ARHGEF9: variants seen among roughly 807,000 people sequenced by gnomAD.
ARHGEF9 encodes rho guanine nucleotide exchange factor 9.
Under a neutral mutation model 41.3 loss-of-function variants are expected in ARHGEF9, and 2 were observed. The observed-to-expected ratio is 0.05, with a 90% CI of 0.02 to 0.15. ARHGEF9 has a LOEUF of 0.15. Ranked by LOEUF, ARHGEF9 falls within the 10% of genes least tolerant of loss-of-function variation. The probability of loss-of-function intolerance (pLI) is 1.00; values close to 1 mark genes in which losing one functional copy is unlikely to be tolerated. For missense variants in ARHGEF9, 225 were observed against 424.7 expected (o/e 0.53, Z 4.13); for synonymous variants, 160 against 154.4 (o/e 1.04, Z -0.27).
chrX:63,743,338 C>A (rs184342063), intron 1 of ARHGEF9: 1 of 112,898 alleles, frequency 8.9e-6, no homozygotes, highest in African/African-American at 3.2e-5. Flanking sequence ...TTCTTCCTAG[C>A]TCACCACTGA....
intron 8 of ARHGEF9, among the ~76,000 whole-genome samples, chrX:63,652,290 C>A (rs1239330825): frequency 5.4e-5 from 6 of 111,692 alleles, no homozygotes; most frequent in Non-Finnish European, 1.1e-4. Context: ...TGGATTCAAT[C>A]AACTGTGGAT....
intron 1 of ARHGEF9, among the ~76,000 whole-genome samples, chrX:63,758,974 C>T (rs1457147716): frequency 2.7e-5 from 3 of 111,296 alleles, no homozygotes; most frequent in African/African-American, 9.8e-5. Flanking sequence ...TGAATGTCTC[C>T]TTCATCCACT....
At chrX:63,782,849 C>G (rs2056404054) in intron 1 of ARHGEF9, among the ~76,000 whole-genome samples, 1 of 112,330 alleles carries the variant, frequency 8.9e-6, no homozygotes, top group African/African-American at 3.2e-5. Context: ...TATTAACATC[C>G]GCATTTAATA....
intron 1 of ARHGEF9, among the ~76,000 whole-genome samples, chrX:63,729,479 A>G (rs1433498768): frequency 8.9e-6 from 1 of 112,089 alleles, no homozygotes; most frequent in Non-Finnish European, 1.9e-5. Context: ...GCTCATCAAC[A>G]TTATCAAATG....
chrX:63,673,031 G>A (rs1358596444), intron 6 of ARHGEF9, among the ~76,000 whole-genome samples: 2 of 111,882 alleles, frequency 1.8e-5, no homozygotes, highest in African/African-American at 6.5e-5. Context: ...TAGCCCAAAA[G>A]GATGTCAGCT....
rs781969414 is a variant in ARHGEF9 at position 63,753,075 on chromosome X, A to AT, written c.31-28365dup. 1.2e-3 allele frequency among the ~76,000 whole-genome samples: 139 copies of AT among 112,355 alleles called. 1 individual carries two copies. Among genetic ancestry groups the AT allele is most frequent in the African/African-American group, 4.1e-3 (126 of 30,933 alleles). On this transcript the variant is annotated intron_variant, in intron 1 of 9. Coordinates refer to ENST00000671741, the MANE Select transcript of ARHGEF9 (RefSeq NM_001353921.2). ...AGTATTATACAGACTGGCATGAGAC[A>AT]TTTTTTTTCCTGGCTCTGCCAAGAG... is the stretch of plus-strand genomic sequence containing the variant.
chrX:63,705,373 G>A (rs2052466938), intron 3 of ARHGEF9, among the ~76,000 whole-genome samples: 1 of 107,839 alleles, frequency 9.3e-6, no homozygotes, highest in African/African-American at 3.4e-5. Context: ...GTGTGTGTGT[G>A]TGTGTGTGTG....
intron 2 of ARHGEF9, among the ~76,000 whole-genome samples, chrX:63,714,439 G>T (rs782324179): frequency 2.7e-5 from 3 of 112,156 alleles, no homozygotes; most frequent in Non-Finnish European, 5.6e-5. Context: ...CAGACAGGGG[G>T]ATGCATCAAA....
At chrX:63,759,795 C>T (rs1386902234) in intron 1 of ARHGEF9, among the ~76,000 whole-genome samples, 2 of 111,914 alleles carry the variant, frequency 1.8e-5, no homozygotes, top group Non-Finnish European at 3.8e-5. Context: ...CTATTATTGT[C>T]CTTATTTTAT....
chrX:63,723,850 G>C (rs1330656595), intron 2 of ARHGEF9, among the ~76,000 whole-genome samples: 1 of 112,362 alleles, frequency 8.9e-6, no homozygotes, highest in Non-Finnish European at 1.9e-5. Context: ...TTAAGGGCCA[G>C]GTTCTTCATG....
At chrX:63,718,796 C>A (rs1455353772) in intron 2 of ARHGEF9, among the ~76,000 whole-genome samples, 1 of 111,719 alleles carries the variant, frequency 9.0e-6, no homozygotes, top group Non-Finnish European at 1.9e-5. Flanking sequence ...TTCTCAAAAG[C>A]CCAGGGTAAT....
chrX:63,761,232 G>A (rs1556449509), intron 1 of ARHGEF9, among the ~76,000 whole-genome samples: 1 of 111,824 alleles, frequency 8.9e-6, no homozygotes, highest in Non-Finnish European at 1.9e-5. Flanking sequence ...AGCTTTTGGG[G>A]AGACAAGAGA....
At chrX:63,720,897 A>G (rs1191937061) in intron 2 of ARHGEF9, among the ~76,000 whole-genome samples, 1 of 112,229 alleles carries the variant, frequency 8.9e-6, no homozygotes, top group East Asian at 2.8e-4. Context: ...TTGAAATACT[A>G]GAAGATCTGG....
chrX:63,693,537 G>A lies in ARHGEF9; in HGVS notation c.582+3588C>T, dbSNP rs781819773. Among the ~76,000 whole-genome samples the A allele has an allele frequency of 1.7e-4, 18 of 105,802 alleles. No individual in the cohort carries two copies. The South Asian group carries it at 8.0e-3, about 47-fold the overall frequency. 91.9% of individuals were successfully genotyped at this position (105,802 alleles called of 115,157 possible). A position where few individuals can be genotyped will look rare whatever the true frequency, so the allele number is the denominator to read the frequency against. ...TGAGGCAGGAGAATTGCTGGAACCC[G>A]GGAGTCAGAAGTTGCAGTGAGCTGA... On this transcript the variant is annotated intron_variant, in intron 4 of 9. Coordinates refer to ENST00000671741, the MANE Select transcript of ARHGEF9 (RefSeq NM_001353921.2).
chrX:63,777,837 C>T (rs2056317194), intron 1 of ARHGEF9, among the ~76,000 whole-genome samples: 1 of 112,835 alleles, frequency 8.9e-6, no homozygotes, highest in African/African-American at 3.2e-5. Flanking sequence ...AAGAGGTGGA[C>T]TCCCACAGGC....
intron 7 of ARHGEF9, among the ~76,000 whole-genome samples, chrX:63,656,303 A>G (rs1356765837): frequency 8.9e-6 from 1 of 111,780 alleles, no homozygotes; most frequent in Non-Finnish European, 1.9e-5. Flanking sequence ...TAAATAAAGA[A>G]GTTCACATAT....
At chrX:63,656,662 T>C (rs1384149940) in intron 7 of ARHGEF9, 1 of 111,072 alleles carries the variant, frequency 9.0e-6, no homozygotes, top group Non-Finnish European at 1.9e-5. Context: ...TTGAAAAACA[T>C]ACAAAAAAAT....
At chrX:63,683,782 T>A (rs1425616525) in intron 4 of ARHGEF9, among the ~76,000 whole-genome samples, 12 of 111,317 alleles carry the variant, frequency 1.1e-4, no homozygotes, top group African/African-American at 3.9e-4. Flanking sequence ...TTGGAAAAAC[T>A]GGATATCTAT....
chrX:63,749,874 TAA>T (rs1556438775), intron 1 of ARHGEF9, among the ~76,000 whole-genome samples: 1 of 112,193 alleles, frequency 8.9e-6, no homozygotes, highest in Non-Finnish European at 1.9e-5. Flanking sequence ...CAAAGTACAA[TAA>T]ACTAAATACT....
Sources: allele counts gnomAD v4.1 joint callset (sites outside exome capture counted in the v4.1 genomes callset), GRCh38; gene constraint gnomAD v4.1.1; transcripts MANE v1.5; gene names NCBI Gene and HGNC (gene_info 2026-07-23, HGNC 2026-07-21).